The following CEP63 variants were observed in gnomAD, a reference collection of about 807,000 sequenced individuals.
CEP63 encodes centrosomal protein of 63 kDa.
CEP63 carries 84 observed loss-of-function variants against 89.1 expected under a neutral mutation model. The observed-to-expected ratio is 0.94, with a 90% CI of 0.79 to 1.13. The LOEUF (loss-of-function observed/expected upper bound fraction) is 1.13, where lower values mean the gene tolerates loss of function less well. CEP63 is among the 50% of genes most tolerant of loss of function. The pLI is 0.00. For missense variants in CEP63, 838 were observed against 813.3 expected (o/e 1.03, Z -0.37); for synonymous variants, 267 against 272.5 (o/e 0.98, Z 0.20).
the CEP63 span, among the ~76,000 whole-genome samples, chr3:134,776,386 T>C: frequency 6.6e-6 from 1 of 151,976 alleles, no homozygotes; most frequent in South Asian, 2.1e-4. Context: ...AATATGAAAA[T>C]TATCAACAAG....
chr3:134,707,245 A>T, the CEP63 span, among the ~76,000 whole-genome samples: 1 of 152,218 alleles, frequency 6.6e-6, no homozygotes, highest in Non-Finnish European at 1.5e-5. Flanking sequence ...ATACATATGC[A>T]ACTACAGAAC....
the CEP63 span, among the ~76,000 whole-genome samples, chr3:134,631,589 G>A: frequency 6.6e-6 from 1 of 152,232 alleles, no homozygotes; most frequent in South Asian, 2.1e-4. Context: ...ACAACATAGA[G>A]TAGGAGAGTG....
At chr3:134,721,947 T>A in the CEP63 span, among the ~76,000 whole-genome samples, 1 of 152,144 alleles carries the variant, frequency 6.6e-6, no homozygotes, top group African/African-American at 2.4e-5. Context: ...CCTTGTGATA[T>A]CTTTGTCTGG....
chr3:134,620,771 C>T, the CEP63 span: 1 of 1,613,646 alleles, frequency 6.2e-7, no homozygotes, highest in Non-Finnish European at 8.5e-7. Flanking sequence ...AGATCCAGAT[C>T]CAGATGGCGC....
the CEP63 span, among the ~76,000 whole-genome samples, chr3:134,705,734 A>G: frequency 2.0e-5 from 3 of 152,194 alleles, no homozygotes; most frequent in Non-Finnish European, 4.4e-5. Context: ...TTGGGCCTGA[A>G]TGCCAGTGGG....
the CEP63 span, among the ~76,000 whole-genome samples, chr3:134,755,241 AG>A: frequency 2.0e-5 from 3 of 151,640 alleles, no homozygotes; most frequent in East Asian, 3.9e-4. Flanking sequence ...CTGAGCCCTG[AG>A]CCCTGAGCCC....
chr3:134,735,163 C>CA, the CEP63 span, among the ~76,000 whole-genome samples: 1 of 152,144 alleles, frequency 6.6e-6, no homozygotes, highest in Non-Finnish European at 1.5e-5. Flanking sequence ...CCATTGTCGT[C>CA]ACATGAATCC....
At chr3:134,652,444 G>GCCCC in the CEP63 span, among the ~76,000 whole-genome samples, 14 of 144,608 alleles carry the variant, frequency 9.7e-5, no homozygotes, top group African/African-American at 2.1e-4. Flanking sequence ...CATTACCAGC[G>GCCCC]CCCCCCCCCA....
intron 1 of CEP63, among the ~76,000 whole-genome samples, chr3:134,492,333 A>G (rs1043055255): frequency 6.6e-6 from 1 of 152,150 alleles, no homozygotes; most frequent in South Asian, 2.1e-4. Context: ...GAAGAAATCA[A>G]AGTGACATAG....
chr3:134,764,687 C>T, the CEP63 span, among the ~76,000 whole-genome samples: 1 of 152,196 alleles, frequency 6.6e-6, no homozygotes, highest in African/African-American at 2.4e-5. Flanking sequence ...TCCCTATTTT[C>T]ACTTTTCAAT....
the CEP63 span, among the ~76,000 whole-genome samples, chr3:134,762,065 T>A: frequency 6.6e-6 from 1 of 152,162 alleles, no homozygotes; most frequent in Non-Finnish European, 1.5e-5. Flanking sequence ...ATCCCTCAGC[T>A]ATATATAGTG....
the CEP63 span, among the ~76,000 whole-genome samples, chr3:134,633,128 C>T: frequency 1.3e-5 from 2 of 151,998 alleles, no homozygotes; most frequent in Non-Finnish European, 2.9e-5. Context: ...TTAAAATCTT[C>T]CCCCCAAAAG....
intron 3 of CEP63, among the ~76,000 whole-genome samples, chr3:134,516,979 G>T (rs1405234927): frequency 1.3e-5 from 2 of 152,142 alleles, no homozygotes; most frequent in Non-Finnish European, 2.9e-5. Flanking sequence ...TTAGGTCAAG[G>T]TTCAAGTAGT....
the CEP63 span, among the ~76,000 whole-genome samples, chr3:134,613,638 A>G: frequency 6.6e-6 from 1 of 152,204 alleles, no homozygotes; most frequent in Non-Finnish European, 1.5e-5. Flanking sequence ...GCTGTGGGGA[A>G]TGCCTGGGGC....
the CEP63 span, among the ~76,000 whole-genome samples, chr3:134,687,291 T>C: frequency 6.6e-6 from 1 of 152,202 alleles, no homozygotes; most frequent in Non-Finnish European, 1.5e-5. Context: ...TTCTCAAAGG[T>C]TACTACTACC....
intron 3 of CEP63, chr3:134,510,675 G>C: frequency 1.6e-6 from 1 of 608,136 alleles, no homozygotes; most frequent in Non-Finnish European, 3.1e-6. Context: ...CTGGAGCCCA[G>C]GCTTGTCTAG....
At chr3:134,591,229 T>C (rs958005266), downstream of CEP63, among the ~76,000 whole-genome samples, 1 of 152,232 alleles carries the variant, frequency 6.6e-6, no homozygotes, top group Non-Finnish European at 1.5e-5. Context: ...ACTTCCAGCA[T>C]TGCTAGTGTG....
chr3:134,549,067 A>T lies in CEP63; in HGVS notation c.1073A>T (p.Glu358Val). 1 of 1,607,182 alleles carries T rather than the reference A, an allele frequency of 6.2e-7. No homozygotes were observed. Among genetic ancestry groups the T allele is most frequent in the Non-Finnish European group, 8.5e-7 (1 of 1,173,734 alleles). Residue 358 changes from glutamate to valine, a missense_variant, in exon 10 of 15, where the codon GAA becomes GTA. By Grantham distance (121) the Glu-to-Val change is moderately radical (BLOSUM62 -2). Transcript: ENST00000675561. ...ATCTTATTTTTGTCATACAGTTTGGAATCTGTGAGTGCAACGTGTAAACAG... is the reference window on the plus strand; with the variant it reads ...ATCTTATTTTTGTCATACAGTTTGGTATCTGTGAGTGCAACGTGTAAACAG... ...AEVTCLEGSL[E>V]SVSATCKQLS...
At chr3:134,486,435 C>T (rs1935407474) in intron 1 of CEP63, 20 of 985,434 alleles carry the variant, frequency 2.0e-5, no homozygotes, top group Admixed American at 6.1e-5. Flanking sequence ...CGGCCTGGCC[C>T]GCTATGCCCT....
Sources: allele counts gnomAD v4.1 joint callset (sites outside exome capture counted in the v4.1 genomes callset), GRCh38; gene constraint gnomAD v4.1.1; transcripts MANE v1.5; gene names NCBI Gene and HGNC (gene_info 2026-07-23, HGNC 2026-07-21).